The following GARIN6 variants were observed in gnomAD, a reference collection of about 807,000 sequenced individuals.
GARIN6 encodes Golgi-associated RAB2 interactor protein 6.
the GARIN6 span, chr12:99,649,159 T>G: frequency 1.3e-6 from 1 of 756,010 alleles, no homozygotes; most frequent in Non-Finnish European, 2.3e-6. Context: ...CAATTGCCAC[T>G]TATATACATT....
the GARIN6 span, chr12:99,647,992 G>C: frequency 1.3e-6 from 1 of 748,860 alleles, no homozygotes; most frequent in Non-Finnish European, 2.1e-6. Flanking sequence ...CTCTGGCATT[G>C]AGCGGTTGGT....
At chr12:99,648,631 T>C in the GARIN6 span, 1 of 1,614,242 alleles carries the variant, frequency 6.2e-7, no homozygotes, top group East Asian at 2.2e-5. Context: ...TCTTCAGCTG[T>C]GTCCTCCATC....
chr12:99,649,178 C>A, the GARIN6 span: 1 of 864,936 alleles, frequency 1.2e-6, no homozygotes, highest in Non-Finnish European at 1.9e-6. Context: ...TTGGTGGCAA[C>A]ACAACATGTT....
chr12:99,649,790 G>T, the GARIN6 span: 1 of 160,332 alleles, frequency 6.2e-6, no homozygotes, highest in Non-Finnish European at 1.4e-5. Flanking sequence ...TACTGAGAAG[G>T]CTGTTGCATT....
At chr12:99,648,214 A>G in the GARIN6 span, 2 of 1,614,154 alleles carry the variant, frequency 1.2e-6, no homozygotes, top group South Asian at 2.2e-5. Context: ...CACGGCCCAA[A>G]GCAGCCCCGC....
chr12:99,648,830 G>A, the GARIN6 span: 3 of 1,569,028 alleles, frequency 1.9e-6, no homozygotes, highest in East Asian at 6.8e-5. Flanking sequence ...GGATGCTTTG[G>A]GGGAGAGCAG....
At chr12:99,648,616 T>G in the GARIN6 span, 1 of 1,614,190 alleles carries the variant, frequency 6.2e-7, no homozygotes, top group South Asian at 1.1e-5. Context: ...GGGCCGCTCT[T>G]TTTATCTTCA....
chr12:99,649,460 C>T, the GARIN6 span: 8 of 1,317,560 alleles, frequency 6.1e-6, no homozygotes, highest in East Asian at 2.3e-5. Flanking sequence ...AGTCATAAAA[C>T]CTATAGTGCC....
At chr12:99,649,320 G>A in the GARIN6 span, 6 of 1,614,130 alleles carry the variant, frequency 3.7e-6, no homozygotes, top group South Asian at 5.5e-5. Flanking sequence ...AAGAGAAGGA[G>A]CAATTCAGAA....
At chr12:99,649,562 C>T in the GARIN6 span, 1 of 590,122 alleles carries the variant, frequency 1.7e-6, no homozygotes, top group Non-Finnish European at 3.0e-6. Flanking sequence ...TCTGCAGACT[C>T]AGGAGAGAAA....
At chr12:99,648,857 G>A in the GARIN6 span, 1 of 1,505,844 alleles carries the variant, frequency 6.6e-7, no homozygotes, top group African/African-American at 1.4e-5. Flanking sequence ...GTCCTGTAAA[G>A]CCTTTGGTGC....
At chr12:99,648,451 G>GC in the GARIN6 span, 1 of 1,614,044 alleles carries the variant, frequency 6.2e-7, no homozygotes. Context: ...CCGACCAGCT[G>GC]CTGTCTGTGA....
At chr12:99,648,577 A>G in the GARIN6 span, 4 of 1,614,170 alleles carry the variant, frequency 2.5e-6, no homozygotes, top group Admixed American at 6.7e-5. Context: ...CAACAGCGTA[A>G]AAAAACAGCT....
the GARIN6 span, chr12:99,648,339 A>G: frequency 6.2e-7 from 1 of 1,614,172 alleles, no homozygotes; most frequent in Non-Finnish European, 8.5e-7. Context: ...AGATCAGCAA[A>G]AGAGGAGAAG....
chr12:99,649,103 T>C, the GARIN6 span, among the ~76,000 whole-genome samples: 1 of 152,224 alleles, frequency 6.6e-6, no homozygotes, highest in Non-Finnish European at 1.5e-5. Flanking sequence ...CTGAAACACA[T>C]ACTATGACCT....
the GARIN6 span, chr12:99,649,183 C>A: frequency 5.6e-6 from 5 of 890,128 alleles, no homozygotes; most frequent in Admixed American, 1.9e-5. Context: ...GGCAACACAA[C>A]ATGTTTGTGT....
chr12:99,648,177 G>A, the GARIN6 span: 4 of 1,610,180 alleles, frequency 2.5e-6, no homozygotes, highest in Non-Finnish European at 3.4e-6. Context: ...AGGAAGACAT[G>A]GAGGACTGCT....
At chr12:99,649,584 CA>C in the GARIN6 span, 1 of 553,036 alleles carries the variant, frequency 1.8e-6, no homozygotes, top group Non-Finnish European at 3.2e-6. Context: ...ACAGCACTGG[CA>C]AAAGCAGCCT....
At chr12:99,647,936 T>G in the GARIN6 span, 1 of 552,728 alleles carries the variant, frequency 1.8e-6, no homozygotes, top group Non-Finnish European at 3.2e-6. Flanking sequence ...TCCTGACAGC[T>G]CCATGCACTA....
Sources: allele counts gnomAD v4.1 joint callset (sites outside exome capture counted in the v4.1 genomes callset), GRCh38; gene constraint gnomAD v4.1.1; transcripts MANE v1.5; gene names NCBI Gene and HGNC (gene_info 2026-07-23, HGNC 2026-07-21).